ZFAT: variants seen among roughly 807,000 people sequenced by gnomAD.
The protein encoded by ZFAT is zinc finger protein ZFAT.
Under a neutral mutation model 117.7 loss-of-function variants are expected in ZFAT, and 64 were observed. The ratio of observed to expected loss-of-function variants is 0.54; its 90% confidence interval spans 0.44 to 0.67. The LOEUF (loss-of-function observed/expected upper bound fraction) is 0.67, where lower values mean the gene tolerates loss of function less well. ZFAT is among the 30% of genes least tolerant of loss of function. ZFAT has a pLI of 0.00. For synonymous variants in ZFAT, 679 were observed against 615.0 expected (o/e 1.10, Z -1.54); for missense variants, 1,433 against 1,584.5 (o/e 0.90, Z 1.62).
chr8:134,748,125 G>A, the ZFAT span, among the ~76,000 whole-genome samples: 1 of 152,112 alleles, frequency 6.6e-6, no homozygotes, highest in African/African-American at 2.4e-5. Flanking sequence ...TTTAACATAT[G>A]GTAGTTAAGT....
the ZFAT span, chr8:134,722,856 G>A: frequency 6.6e-6 from 1 of 152,298 alleles, no homozygotes; most frequent in East Asian, 1.9e-4. Context: ...TGGAGAAAGG[G>A]CCTTTAAAGA....
intron 10 of ZFAT, among the ~76,000 whole-genome samples, chr8:134,577,329 A>G (rs1017460404): frequency 4.6e-5 from 7 of 152,264 alleles, no homozygotes; most frequent in Non-Finnish European, 1.0e-4. Flanking sequence ...GGGATCTATC[A>G]CTTTAAGCCA....
the ZFAT span, among the ~76,000 whole-genome samples, chr8:134,751,061 T>C: frequency 5.4e-4 from 83 of 152,378 alleles, no homozygotes; most frequent in Admixed American, 1.1e-3. Context: ...TGTATTTTTA[T>C]TTAACACTTG....
chr8:134,517,580 G>T (rs1820343125), intron 13 of ZFAT, among the ~76,000 whole-genome samples: 1 of 152,106 alleles, frequency 6.6e-6, no homozygotes, highest in African/African-American at 2.4e-5. Flanking sequence ...ATTAACATTT[G>T]GATACTATTA....
At chr8:134,554,681 G>A (rs978164541) in intron 11 of ZFAT, among the ~76,000 whole-genome samples, 4 of 152,186 alleles carry the variant, frequency 2.6e-5, no homozygotes, top group Non-Finnish European at 4.4e-5. Flanking sequence ...CAGAAAGCCC[G>A]GGGTGGAGCT....
the ZFAT span, among the ~76,000 whole-genome samples, chr8:134,829,535 G>T: frequency 5.9e-5 from 9 of 152,320 alleles, no homozygotes; most frequent in South Asian, 1.0e-3. Context: ...CCAAAAATCT[G>T]TTCCTAAATT....
the ZFAT span, among the ~76,000 whole-genome samples, chr8:134,774,577 G>A: frequency 6.6e-6 from 1 of 152,168 alleles, no homozygotes; most frequent in Non-Finnish European, 1.5e-5. Context: ...ATTAAGATAT[G>A]TACACTTTTT....
At chr8:134,822,700 T>C in the ZFAT span, among the ~76,000 whole-genome samples, 3 of 152,094 alleles carry the variant, frequency 2.0e-5, no homozygotes, top group Admixed American at 2.0e-4. Flanking sequence ...ATAAAATAAC[T>C]TGGAAAAAAC....
chr8:134,565,214 G>C (rs1178942655), intron 11 of ZFAT, 119 bp downstream of exon 11: 3 of 1,550,896 alleles, frequency 1.9e-6, no homozygotes, highest in Non-Finnish European at 2.6e-6. Context: ...ACCAGCTAAG[G>C]GGGCCCCAAA....
chr8:134,532,116 A>C (rs1286662955), intron 12 of ZFAT, among the ~76,000 whole-genome samples: 2 of 152,372 alleles, frequency 1.3e-5, no homozygotes, highest in East Asian at 3.9e-4. Context: ...CTCCAGTGGG[A>C]ATGTGATTAT....
At chr8:134,508,436 C>T (rs987794100) in intron 15 of ZFAT, among the ~76,000 whole-genome samples, 4 of 152,326 alleles carry the variant, frequency 2.6e-5, no homozygotes, top group South Asian at 2.1e-4. Context: ...AACTGTTTAA[C>T]GTCTCCTTTT....
the ZFAT span, among the ~76,000 whole-genome samples, chr8:134,813,369 A>C: frequency 6.6e-6 from 1 of 152,230 alleles, no homozygotes; most frequent in Non-Finnish European, 1.5e-5. Context: ...AAAGAGACAG[A>C]TAATACCAGA....
At chr8:134,488,408 G>C (rs1472045784) in intron 15 of ZFAT, among the ~76,000 whole-genome samples, 1 of 152,218 alleles carries the variant, frequency 6.6e-6, no homozygotes. Context: ...AGTTAGGAAC[G>C]TGAAGTTACA....
chr8:134,509,643 T>C lies in ZFAT; in HGVS notation c.3468A>G (p.Pro1156=), dbSNP rs368962571. The change falls in exon 15 of 16, where the codon CCA becomes CCG. Residue 1156 remains proline (P), a synonymous_variant. Transcript: ENST00000377838. The part of the protein sequence containing the change: ...TALASVVAMA[P]GTVTVVKQVT... ...CCTGCTTAACCACAGTCACCGTCCC[T>C]GGTGCCATGGCAACCACCGAGGCAA... The C allele has an allele frequency of 6.8e-6, 11 of 1,613,420 alleles. No individual in the cohort carries two copies. The highest frequency in any genetic ancestry group is 1.3e-5 in the African/African-American group (1 of 74,952).
At chr8:134,627,674 TTAGA>T (rs1829606964) in intron 3 of ZFAT, among the ~76,000 whole-genome samples, 1 of 152,120 alleles carries the variant, frequency 6.6e-6, no homozygotes, top group African/African-American at 2.4e-5. Flanking sequence ...TTCCCACCCA[TTAGA>T]TATTGTACAG....
chr8:134,727,146 C>A, the ZFAT span, among the ~76,000 whole-genome samples: 3,984 of 149,008 alleles, frequency 0.027, 91 homozygotes, highest in African/African-American at 0.059. Context: ...AAAAAAAAAA[C>A]AAAACAAGGA....
intron 15 of ZFAT, among the ~76,000 whole-genome samples, chr8:134,481,217 CTG>C (rs1480383740): frequency 1.3e-5 from 2 of 152,214 alleles, no homozygotes; most frequent in African/African-American, 2.4e-5. Context: ...TGACAGAAGA[CTG>C]GGAAAGGGAA....
chr8:134,816,144 T>C, the ZFAT span, among the ~76,000 whole-genome samples: 1 of 152,180 alleles, frequency 6.6e-6, no homozygotes, highest in East Asian at 1.9e-4. Flanking sequence ...TCATTTAACT[T>C]CATGACAATT....
chr8:134,606,620 G>A lies in ZFAT; in HGVS notation c.785+2109C>T, dbSNP rs534020445. Reference sequence around the variant, plus strand: ...ATTCCCAGCTACTCAGGAGGCTGAGGCAAGAGAATAGGCAAGAGAATAGCT... The same window carrying A: ...ATTCCCAGCTACTCAGGAGGCTGAGACAAGAGAATAGGCAAGAGAATAGCT... On this transcript the variant is annotated intron_variant, in intron 5 of 15. Coordinates refer to ENST00000377838, the MANE Select transcript of ZFAT (RefSeq NM_020863.4). Among the ~76,000 whole-genome samples the A allele has an allele frequency of 4.0e-5, 6 of 151,896 alleles. No individual in the cohort carries two copies. The East Asian group carries it at 1.2e-3, about 29-fold the overall frequency.
Sources: allele counts gnomAD v4.1 joint callset (sites outside exome capture counted in the v4.1 genomes callset), GRCh38; gene constraint gnomAD v4.1.1; transcripts MANE v1.5; gene names NCBI Gene and HGNC (gene_info 2026-07-23, HGNC 2026-07-21).